SEMA5A: variants seen among roughly 807,000 people sequenced by gnomAD.
SEMA5A encodes semaphorin 5A.
In SEMA5A, 55 loss-of-function variants were observed where a neutral mutation model predicts 135.5. The ratio of observed to expected loss-of-function variants is 0.41; its 90% CI spans 0.33 to 0.51. The LOEUF (loss-of-function observed/expected upper bound fraction) is 0.51, where lower values mean the gene tolerates loss of function less well. Among genes scored for constraint, SEMA5A ranks in the 20% least tolerant of loss-of-function variants. The probability of loss-of-function intolerance (pLI) is 0.37; values close to 1 mark genes in which losing one functional copy is unlikely to be tolerated. For missense variants in SEMA5A, 1,290 were observed against 1,419.9 expected (o/e 0.91, Z 1.47); for synonymous variants, 580 against 546.5 (o/e 1.06, Z -0.85).
chr5:9,106,203 A>C (rs1279458927), intron 16 of SEMA5A, among the ~76,000 whole-genome samples: 1 of 152,212 alleles, frequency 6.6e-6, no homozygotes, highest in Non-Finnish European at 1.5e-5. Context: ...ATTTCCCAAA[A>C]AGTGACAATA....
At chr5:9,051,439 T>G (rs1736569966) in intron 20 of SEMA5A, among the ~76,000 whole-genome samples, 1 of 152,234 alleles carries the variant, frequency 6.6e-6, no homozygotes, top group African/African-American at 2.4e-5. Flanking sequence ...AACAGGAGAA[T>G]AATGATGCAT....
Position 9,173,795 on chromosome 5 carries a change from T to A in SEMA5A, c.1273+16472A>T, listed in dbSNP as rs566029931. Among the ~76,000 whole-genome samples the A allele has an allele frequency of 1.7e-3, 256 of 152,304 alleles. 3 individuals carry two copies. Among genetic ancestry groups the A allele is most frequent in the Admixed American group, 3.7e-3 (57 of 15,300 alleles). ...TAACACATTGCATGTCCTCAGCTTCTCCAAGGAAATGTTGATCTGATGAGT... is the reference window on the plus strand; with the variant it reads ...TAACACATTGCATGTCCTCAGCTTCACCAAGGAAATGTTGATCTGATGAGT... On this transcript the variant is annotated intron_variant, in intron 11 of 22. Transcript: ENST00000382496.
intron 1 of SEMA5A, among the ~76,000 whole-genome samples, chr5:9,483,452 C>A (rs1464487766): frequency 1.3e-5 from 2 of 152,212 alleles, no homozygotes; most frequent in Admixed American, 1.3e-4. Flanking sequence ...CTAAGGGAAG[C>A]ACTGAAAAAT....
At position 9,135,489 on chromosome 5, in the gene SEMA5A, C is replaced by T. The variant is rs185802705; in HGVS notation, c.1599+1015G>A. ...AGCCACCGTGCCCGGCCTGGTTTTC[C>T]GACTTTCAAGCTGAAGGACAGGCTT... is the stretch of plus-strand genomic sequence containing the variant. On this transcript the variant is annotated intron_variant, in intron 13 of 22. Coordinates refer to ENST00000382496, the MANE Select transcript of SEMA5A (RefSeq NM_003966.3). Among the ~76,000 whole-genome samples the T allele has an allele frequency of 2.0e-3, 297 of 151,960 alleles. 1 individual carries two copies. Among genetic ancestry groups the T allele is most frequent in the African/African-American group, 4.6e-3 (191 of 41,454 alleles).
At chr5:9,118,968 G>A (rs1740662841) in intron 15 of SEMA5A, 30 bp downstream of exon 15, 1 of 1,607,174 alleles carries the variant, frequency 6.2e-7, no homozygotes, top group African/African-American at 1.3e-5. Context: ...GCGTGAGGCT[G>A]GCGGTGCTGG....
chr5:9,190,133 C>G (rs557786089), intron 11 of SEMA5A, 134 bp downstream of exon 11: 1 of 797,590 alleles, frequency 1.3e-6, no homozygotes, highest in African/African-American at 1.7e-5. Flanking sequence ...AAGTGAGCAT[C>G]GCGGGTTTTG....
At chr5:9,517,468 C>T (rs944859097) in intron 1 of SEMA5A, 3 of 152,222 alleles carry the variant, frequency 2.0e-5, no homozygotes, top group Non-Finnish European at 4.4e-5. Flanking sequence ...GGACCAGCTT[C>T]TGCATCTCCA....
At chr5:9,454,933 T>C (rs1758775213) in intron 1 of SEMA5A, among the ~76,000 whole-genome samples, 1 of 152,246 alleles carries the variant, frequency 6.6e-6, no homozygotes, top group Admixed American at 6.5e-5. Flanking sequence ...TTCAGAGATG[T>C]ACTAATAAAG....
At chr5:9,314,345 C>T (rs1752298100) in intron 5 of SEMA5A, among the ~76,000 whole-genome samples, 1 of 146,344 alleles carries the variant, frequency 6.8e-6, no homozygotes, top group Admixed American at 6.8e-5. Flanking sequence ...ATATAAAACA[C>T]ACACTGGAGT....
intron 10 of SEMA5A, among the ~76,000 whole-genome samples, 189 bp downstream of exon 10, chr5:9,196,979 G>A (rs947228434): frequency 6.6e-6 from 1 of 152,180 alleles, no homozygotes; most frequent in African/African-American, 2.4e-5. Context: ...GGGTCCAGGC[G>A]CCACAGTTCA....
intron 15 of SEMA5A, among the ~76,000 whole-genome samples, chr5:9,114,243 A>C (rs948016605): frequency 6.6e-6 from 1 of 152,222 alleles, no homozygotes; most frequent in African/African-American, 2.4e-5. Context: ...ACATATCTAT[A>C]ATAGGCAAAT....
In SEMA5A at chr5:9,341,316, C is replaced by G. The variant is rs888527840; in HGVS notation, c.125-3504G>C. On this transcript the variant is annotated intron_variant, in intron 3 of 22. Coordinates refer to ENST00000382496, the MANE Select transcript of SEMA5A (RefSeq NM_003966.3). ...TAACAGAAAACCTATTACTATAATTCATCATCACAATAACAGATTTCAGTA... is the reference window on the plus strand; with the variant it reads ...TAACAGAAAACCTATTACTATAATTGATCATCACAATAACAGATTTCAGTA... Among the ~76,000 whole-genome samples the G allele has an allele frequency of 2.0e-5, 3 of 152,126 alleles. No homozygotes were observed. In the East Asian group the frequency reaches 5.8e-4, roughly 29 times the overall value.
At chr5:9,424,523 C>G (rs1166931287) in intron 2 of SEMA5A, among the ~76,000 whole-genome samples, 1 of 152,190 alleles carries the variant, frequency 6.6e-6, no homozygotes, top group African/African-American at 2.4e-5. Context: ...AGATACACAG[C>G]TCTATTCCCA....
At chr5:9,329,913 C>T (rs1426723560) in intron 4 of SEMA5A, among the ~76,000 whole-genome samples, 1 of 152,062 alleles carries the variant, frequency 6.6e-6, no homozygotes, top group African/African-American at 2.4e-5. Context: ...TTACTTATAT[C>T]GAGCACATTA....
At chr5:9,353,327 G>A (rs201512747) in intron 3 of SEMA5A, among the ~76,000 whole-genome samples, 1 of 63,778 alleles carries the variant, frequency 1.6e-5, no homozygotes, top group African/African-American at 5.1e-5. Flanking sequence ...AGGAAGGAAA[G>A]GAAAGGAAAT....
chr5:9,163,626 C>T (rs544218793), intron 11 of SEMA5A, among the ~76,000 whole-genome samples: 49 of 152,266 alleles, frequency 3.2e-4, no homozygotes, highest in Non-Finnish European at 6.2e-4. Context: ...ACCCAAAAGT[C>T]ATATGTTTAA....
intron 6 of SEMA5A, among the ~76,000 whole-genome samples, chr5:9,233,018 A>G (rs1052694543): frequency 1.3e-5 from 2 of 152,208 alleles, no homozygotes; most frequent in African/African-American, 4.8e-5. Context: ...CAACTTGGTA[A>G]ACAGGACCAC....
At chr5:9,445,220 G>A (rs923401061) in intron 1 of SEMA5A, among the ~76,000 whole-genome samples, 1 of 152,098 alleles carries the variant, frequency 6.6e-6, no homozygotes, top group Non-Finnish European at 1.5e-5. Flanking sequence ...GGAGGTCTCT[G>A]CCCTCAAGGA....
chr5:9,197,342 T>A (rs916327858), intron 9 of SEMA5A, 39 bp from the exon 10 acceptor site: 4 of 1,600,826 alleles, frequency 2.5e-6, no homozygotes, highest in Non-Finnish European at 2.6e-6. Flanking sequence ...GTCAGAGAGC[T>A]CGGCAGCACC....
Sources: gnomAD v4.1 joint callset for allele counts (sites outside exome capture counted in the v4.1 genomes callset) on GRCh38, gnomAD v4.1.1 for gene constraint, MANE v1.5 for transcripts, NCBI Gene and HGNC (gene_info 2026-07-23, HGNC 2026-07-21) for gene names.